The following ACACB variants were observed in gnomAD, a reference collection of about 807,000 sequenced individuals.
ACACB encodes the protein acetyl-CoA carboxylase beta, also known as acetyl-CoA carboxylase 2.
A neutral mutation model predicts 278.8 loss-of-function variants in ACACB; 209 were observed. The ratio of observed to expected loss-of-function variants is 0.75; its 90% CI spans 0.67 to 0.84. ACACB has a LOEUF of 0.84. Ranked by LOEUF, ACACB falls within the 40% of genes least tolerant of loss-of-function variation. ACACB has a pLI of 0.00. For missense variants in ACACB, 2,850 were observed against 3,269.0 expected, an observed-to-expected ratio of 0.87 and a Z score of 3.13; for synonymous variants, 1,174 against 1,285.6, an observed-to-expected ratio of 0.91 and a Z score of 1.86.
At chr12:109,241,018 A>C (rs1015675661) in intron 35 of ACACB, 60 bp from the exon 36 acceptor site, 2 of 1,535,614 alleles carry the variant, frequency 1.3e-6, no homozygotes, top group Non-Finnish European at 1.8e-6. Flanking sequence ...TATCAGTGCT[A>C]TTGCAAATGT....
At chr12:109,136,047 G>A (rs1328589790) in intron 1 of ACACB, among the ~76,000 whole-genome samples, 2 of 151,992 alleles carry the variant, frequency 1.3e-5, no homozygotes, top group South Asian at 2.1e-4. Context: ...TCCTGACCTC[G>A]TGATCCACCT....
At chr12:109,191,077 G>T (rs1324215430) in intron 13 of ACACB, among the ~76,000 whole-genome samples, 1 of 152,148 alleles carries the variant, frequency 6.6e-6, no homozygotes, top group East Asian at 1.9e-4. Flanking sequence ...CATGAAGTCA[G>T]GGCTATTTCC....
At position 109,266,499 on chromosome 12, in the gene ACACB, C is replaced by A; in HGVS notation, c.*137C>A. Reference sequence around the variant, plus strand: ...GGGCACTTCTGCAGGGCTGCTGGTTCCGAGCTGACACCCGTCTTAACAAAA... The same window carrying A: ...GGGCACTTCTGCAGGGCTGCTGGTTACGAGCTGACACCCGTCTTAACAAAA... On this transcript the variant is annotated 3_prime_UTR_variant, in exon 53 of 53. Coordinates refer to ENST00000338432, the MANE Select transcript of ACACB (RefSeq NM_001093.4). 1 of 1,122,032 alleles carries A rather than the reference C, an allele frequency of 8.9e-7. No homozygotes were observed. The highest frequency in any genetic ancestry group is 1.2e-6 in the Non-Finnish European group (1 of 837,228). 69.5% of individuals were successfully genotyped at this position (1,122,032 alleles called of 1,614,324 possible). A position where few individuals can be genotyped will look rare whatever the true frequency, so the allele number is the denominator to read the frequency against.
chr12:109,162,512 C>T lies in ACACB; in HGVS notation c.654-4349C>T, dbSNP rs145596291. 2.3e-3 allele frequency among the ~76,000 whole-genome samples: 350 copies of T among 152,170 alleles called. 3 individuals are homozygous for T. Among genetic ancestry groups the T allele is most frequent in the African/African-American group, 7.9e-3 (327 of 41,520 alleles). The stretch of plus-strand genomic sequence containing the variant: ...CCCAGGTCCCCTCCCCTGTCTCCTG[C>T]GGCAGGGGCTGTCCACTTCGACCCC... On this transcript the variant is annotated intron_variant, in intron 2 of 52. Transcript: ENST00000338432.
chr12:109,234,129 G>A, intron 31 of ACACB, 84 bp downstream of exon 31: 1 of 1,168,608 alleles, frequency 8.6e-7, no homozygotes, highest in Admixed American at 2.0e-5. Context: ...CCTTGGGGAG[G>A]CAGGCGTGCT....
chr12:109,168,909 T>C (rs748058824), intron 4 of ACACB, among the ~76,000 whole-genome samples: 4 of 152,084 alleles, frequency 2.6e-5, no homozygotes, highest in Non-Finnish European at 5.9e-5. Context: ...GAGGCCAAGA[T>C]GGGCGAATCA....
chr12:109,128,685 C>T (rs2042745038), intron 1 of ACACB, among the ~76,000 whole-genome samples: 1 of 151,624 alleles, frequency 6.6e-6, no homozygotes, highest in Non-Finnish European at 1.5e-5. Flanking sequence ...TTGGGCAGAA[C>T]ATAGCTATCT....
At chr12:109,127,393 G>A (rs979645546) in intron 1 of ACACB, among the ~76,000 whole-genome samples, 4 of 151,578 alleles carry the variant, frequency 2.6e-5, no homozygotes, top group African/African-American at 9.7e-5. Context: ...GATCAGCCTG[G>A]GCAACAAAGT....
intron 26 of ACACB, 101 bp from the exon 27 acceptor site, chr12:109,223,714 A>G: frequency 9.0e-7 from 1 of 1,109,726 alleles, no homozygotes; most frequent in Non-Finnish European, 1.4e-6. Flanking sequence ...GTGAGCTATG[A>G]TCACACCACT....
Position 109,209,157 on chromosome 12 carries a change from C to A in ACACB, c.3061-8C>A. On this transcript the variant is annotated splice_polypyrimidine_tract_variant and splice_region_variant and intron_variant, in intron 20 of 52. Transcript: ENST00000338432. Reference sequence around the variant, plus strand: ...GGCTGGGGGCTGATGCTGTGGTCCCCGCTTCAGCTGAAGGAGTGGGTGCAG... The same window carrying A: ...GGCTGGGGGCTGATGCTGTGGTCCCAGCTTCAGCTGAAGGAGTGGGTGCAG... 1 of 1,586,800 alleles carries A rather than the reference C, an allele frequency of 6.3e-7. No individual in the cohort carries two copies. Among genetic ancestry groups the A allele is most frequent in the Non-Finnish European group, 8.6e-7 (1 of 1,166,882 alleles).
intron 1 of ACACB, among the ~76,000 whole-genome samples, chr12:109,122,572 CAAAAAAAAAAAAAAAA>C (rs59516728): frequency 3.2e-5 from 2 of 61,836 alleles, no homozygotes; most frequent in Non-Finnish European, 6.2e-5. Flanking sequence ...GACATTGTCT[CAAAAAAAAAAAAAAAA>C]AAAAAAAAAG....
At position 109,140,890 on chromosome 12, in the gene ACACB, CTTTTTTTTT is replaced by C. The variant is rs386377714; in HGVS notation, c.653+848_653+856del. Among the ~76,000 whole-genome samples the C allele has an allele frequency of 3.5e-3, 301 of 86,756 alleles. 1 individual carries two copies. The highest frequency in any genetic ancestry group is 0.011 in the African/African-American group (285 of 26,562). The allele number at this position is 86,756 out of a possible 152,430, so 56.9% of individuals were successfully genotyped here. A position where few individuals can be genotyped will look rare whatever the true frequency, so the allele number is the denominator to read the frequency against. ...CTGAAGAGACATTGATTCATTCATT[CTTTTTTTTT>C]TTTTTTTTTTTTTTTGAGACAGGGT... On this transcript the variant is annotated intron_variant, in intron 2 of 52. Coordinates refer to ENST00000338432, the MANE Select transcript of ACACB (RefSeq NM_001093.4).
chr12:109,126,191 A>G (rs1302687464), intron 1 of ACACB, among the ~76,000 whole-genome samples: 1 of 152,248 alleles, frequency 6.6e-6, no homozygotes. Flanking sequence ...AGAGCTGAAC[A>G]GTGGACTTCA....
chr12:109,233,892 G>A (rs370301828), intron 30 of ACACB, 45 bp downstream of exon 30: 172 of 1,612,578 alleles, frequency 1.1e-4, no homozygotes, highest in Middle Eastern at 3.3e-4. Context: ...CAGGTGGGCC[G>A]TGGCCCCCAG....
chr12:109,119,794 C>T (rs1192896252), intron 1 of ACACB, among the ~76,000 whole-genome samples: 1 of 151,974 alleles, frequency 6.6e-6, no homozygotes, highest in Non-Finnish European at 1.5e-5. Flanking sequence ...ACCTGGGAGG[C>T]TGAGGCAGGA....
chr12:109,229,667 C>A (rs950214224), intron 28 of ACACB, among the ~76,000 whole-genome samples: 2 of 152,016 alleles, frequency 1.3e-5, no homozygotes, highest in African/African-American at 4.8e-5. Context: ...GTAGCTGGGA[C>A]CACAGTCATG....
intron 2 of ACACB, among the ~76,000 whole-genome samples, chr12:109,142,715 T>C (rs2043150130): frequency 6.6e-6 from 1 of 152,102 alleles, no homozygotes; most frequent in African/African-American, 2.4e-5. Flanking sequence ...TATGGGCGTG[T>C]GCCACCACAC....
chr12:109,241,300 G>T lies in ACACB; in HGVS notation c.5022+19G>T, dbSNP rs375834096. ...TGGAAATGTAAGGCTGGCCCGCGCC[G>T]TGGGGGTCTAAGTCAAAGCAGAAGC... is the stretch of plus-strand genomic sequence containing the variant. On this transcript the variant is annotated intron_variant, in intron 36 of 52. Coordinates refer to ENST00000338432, the MANE Select transcript of ACACB (RefSeq NM_001093.4). The T allele has an allele frequency of 6.2e-7, 1 of 1,611,624 alleles. No individual in the cohort carries two copies. The highest frequency in any genetic ancestry group is 1.1e-5 in the South Asian group (1 of 91,040).
intron 47 of ACACB, among the ~76,000 whole-genome samples, chr12:109,259,702 C>T (rs1373005000): frequency 6.6e-6 from 1 of 152,212 alleles, no homozygotes. Flanking sequence ...CCTGGGCAGG[C>T]ACCTCCCCAT....
Sources: gnomAD v4.1 joint callset for allele counts (sites outside exome capture counted in the v4.1 genomes callset) on GRCh38, gnomAD v4.1.1 for gene constraint, MANE v1.5 for transcripts, NCBI Gene and HGNC (gene_info 2026-07-23, HGNC 2026-07-21) for gene names.